NEMP2: variants seen among roughly 807,000 people sequenced by gnomAD.
NEMP2 encodes the protein nuclear envelope integral membrane protein 2, also known as UPF0571 transmembrane protein.
Under a neutral mutation model 54.2 loss-of-function variants are expected in NEMP2, and 53 were observed. The ratio of observed to expected loss-of-function variants is 0.98; its 90% confidence interval spans 0.78 to 1.23. The LOEUF (loss-of-function observed/expected upper bound fraction) is 1.23, where lower values mean the gene tolerates loss of function less well. NEMP2 is among the 50% of genes most tolerant of loss of function. The probability of loss-of-function intolerance (pLI) is 0.00; values close to 1 mark genes in which losing one functional copy is unlikely to be tolerated. For missense variants in NEMP2, 455 were observed against 511.3 expected (o/e 0.89, Z 1.06); for synonymous variants, 197 against 190.3 (o/e 1.04, Z -0.29).
the NEMP2 span, among the ~76,000 whole-genome samples, chr2:190,451,498 C>G: frequency 6.6e-6 from 1 of 152,246 alleles, no homozygotes; most frequent in African/African-American, 2.4e-5. The surrounding 1 kb of genome is among the most constrained non-coding windows in gnomAD (Gnocchi z 5.0). Flanking sequence ...CCTCGTGGGA[C>G]TCACATTCTA....
rs915383466 is a variant in NEMP2 at position 190,525,960 on chromosome 2, T to C, written c.98-582A>G. 3.9e-5 allele frequency among the ~76,000 whole-genome samples: 6 copies of C among 152,086 alleles called. No homozygotes were observed. Among genetic ancestry groups the C allele is most frequent in the Non-Finnish European group, 2.9e-5 (2 of 68,014 alleles). ...TCTTGAAAGCAGAGCATTGGAGGAT[T>C]TTAGGTAAGTATCAGTCTCAGCAAG... On this transcript the variant is annotated intron_variant, in intron 1 of 8. Coordinates refer to ENST00000409150, the MANE Select transcript of NEMP2 (RefSeq NM_001142645.2). This position sits in a 1 kb window ranked among gnomAD's most constrained non-coding sequence, Gnocchi z 5.0.
At chr2:190,580,346 AAG>A in the NEMP2 span, among the ~76,000 whole-genome samples, 61 of 152,244 alleles carry the variant, frequency 4.0e-4, no homozygotes, top group African/African-American at 1.4e-3. This position sits in a 1 kb window ranked among gnomAD's most constrained non-coding sequence, Gnocchi z 5.3. Flanking sequence ...TGGCGAATAT[AAG>A]AGTTCTGTGT....
the NEMP2 span, among the ~76,000 whole-genome samples, chr2:190,577,382 A>C: frequency 6.6e-6 from 1 of 152,128 alleles, no homozygotes; most frequent in Non-Finnish European, 1.5e-5. This position sits in a 1 kb window ranked among gnomAD's most constrained non-coding sequence, Gnocchi z 4.8. Flanking sequence ...TGTCCAGTGC[A>C]ATGTCATAGA....
chr2:190,582,842 A>G, the NEMP2 span, among the ~76,000 whole-genome samples: 1 of 152,196 alleles, frequency 6.6e-6, no homozygotes, highest in African/African-American at 2.4e-5. The surrounding 1 kb of genome is among the most constrained non-coding windows in gnomAD (Gnocchi z 4.6). Flanking sequence ...GAGGTTTTCT[A>G]ACAATAACAG....
the NEMP2 span, among the ~76,000 whole-genome samples, chr2:190,615,732 G>A: frequency 6.6e-6 from 1 of 152,096 alleles, no homozygotes; most frequent in African/African-American, 2.4e-5. The surrounding 1 kb of genome is among the most constrained non-coding windows in gnomAD (Gnocchi z 4.7). Flanking sequence ...AGCTTTCCAG[G>A]ACCCCCTAGT....
the NEMP2 span, among the ~76,000 whole-genome samples, chr2:190,541,736 T>A: frequency 6.6e-6 from 1 of 152,220 alleles, no homozygotes; most frequent in Non-Finnish European, 1.5e-5. The surrounding 1 kb of genome is among the most constrained non-coding windows in gnomAD (Gnocchi z 5.2). Context: ...ACCTCTCAGA[T>A]TGAAGAACTC....
In NEMP2 at chr2:190,530,039, T is replaced by C. The variant is rs2125347593; in HGVS notation, c.97+4520A>G. On this transcript the variant is annotated intron_variant, in intron 1 of 8. Coordinates refer to ENST00000409150, the MANE Select transcript of NEMP2 (RefSeq NM_001142645.2). This position sits in a 1 kb window ranked among gnomAD's most constrained non-coding sequence, Gnocchi z 4.6. Reference sequence around the variant, plus strand: ...ACTGGATAGAGGAGGTCAGAAAGAATAGGTGGCATTAAGCTTCTTTTGTTT... The same window carrying C: ...ACTGGATAGAGGAGGTCAGAAAGAACAGGTGGCATTAAGCTTCTTTTGTTT... Among the ~76,000 whole-genome samples the C allele has an allele frequency of 6.6e-6, 1 of 152,342 alleles. No homozygotes were observed. The highest frequency in any genetic ancestry group is 2.4e-5 in the African/African-American group (1 of 41,578).
At chr2:190,488,502 G>A in the NEMP2 span, among the ~76,000 whole-genome samples, 9 of 152,184 alleles carry the variant, frequency 5.9e-5, no homozygotes, top group Non-Finnish European at 1.0e-4. This position sits in a 1 kb window ranked among gnomAD's most constrained non-coding sequence, Gnocchi z 6.4. Context: ...CCACTGAACC[G>A]TACATTTAAA....
chr2:190,590,044 G>A, the NEMP2 span, among the ~76,000 whole-genome samples: 3 of 152,282 alleles, frequency 2.0e-5, no homozygotes, highest in African/African-American at 4.8e-5. This position sits in a 1 kb window ranked among gnomAD's most constrained non-coding sequence, Gnocchi z 5.1. Context: ...TAATGGACAA[G>A]GAAACACATC....
chr2:190,517,151 C>T (rs1048420415), intron 5 of NEMP2, among the ~76,000 whole-genome samples: 6 of 148,578 alleles, frequency 4.0e-5, no homozygotes, highest in Admixed American at 4.0e-4. Flanking sequence ...AAGAAATTCC[C>T]AGATGTAGCA....
chr2:190,600,766 C>A, the NEMP2 span, among the ~76,000 whole-genome samples: 4 of 152,096 alleles, frequency 2.6e-5, no homozygotes, highest in Non-Finnish European at 5.9e-5. The surrounding 1 kb of genome is among the most constrained non-coding windows in gnomAD (Gnocchi z 4.9). Flanking sequence ...AATTGTGAGC[C>A]AAATAAGCCT....
rs1336829233 is a variant in NEMP2, at chr2:190,507,476, C to T, written c.*1713G>A. ...AACTTGGTGAGCACAGGCACTGATA[C>T]ATCTGATACATTTATATCACCAATA... On this transcript the variant is annotated 3_prime_UTR_variant, in exon 9 of 9. Transcript: ENST00000409150. This position sits in a 1 kb window ranked among gnomAD's most constrained non-coding sequence, Gnocchi z 4.4. 5 of 152,126 alleles carry T rather than the reference C, an allele frequency of 3.3e-5. No individual in the cohort carries two copies. Among genetic ancestry groups the T allele is most frequent in the African/African-American group, 4.8e-5 (2 of 41,422 alleles). 9.4% of individuals were successfully genotyped at this position (152,126 alleles called of 1,614,324 possible). A position where few individuals can be genotyped will look rare whatever the true frequency, so the allele number is the denominator to read the frequency against.
chr2:190,497,466 C>T, the NEMP2 span: 6 of 1,614,090 alleles, frequency 3.7e-6, no homozygotes, highest in Non-Finnish European at 5.1e-6. The surrounding 1 kb of genome is among the most constrained non-coding windows in gnomAD (Gnocchi z 5.2). Flanking sequence ...GAAAGAATTC[C>T]TGTTCCCTCC....
At chr2:190,500,162 C>G (rs1689955360), downstream of NEMP2, 1 of 1,614,140 alleles carries the variant, frequency 6.2e-7, no homozygotes, top group Non-Finnish European at 8.5e-7. The surrounding 1 kb of genome is among the most constrained non-coding windows in gnomAD (Gnocchi z 5.3). Flanking sequence ...CAGTGTGGAC[C>G]CGTGCACAGA....
the NEMP2 span, among the ~76,000 whole-genome samples, chr2:190,424,471 G>A: frequency 2.6e-5 from 4 of 152,136 alleles, no homozygotes; most frequent in South Asian, 4.2e-4. This position sits in a 1 kb window ranked among gnomAD's most constrained non-coding sequence, Gnocchi z 5.9. Context: ...GAGTAGCTGG[G>A]ATTACAGGCA....
the NEMP2 span, among the ~76,000 whole-genome samples, chr2:190,455,998 C>T: frequency 1.7e-4 from 21 of 122,358 alleles, no homozygotes; most frequent in Admixed American, 2.3e-4. Context: ...TGAAGTGCAG[C>T]GGCATGATCT....
At chr2:190,433,285 T>C in the NEMP2 span, 1 of 152,226 alleles carries the variant, frequency 6.6e-6, no homozygotes, top group African/African-American at 2.4e-5. The surrounding 1 kb of genome is among the most constrained non-coding windows in gnomAD (Gnocchi z 4.5). Context: ...ATTAAATTAA[T>C]TTAGAAAATA....
chr2:190,572,837 A>G, the NEMP2 span, among the ~76,000 whole-genome samples: 19 of 65,690 alleles, frequency 2.9e-4, no homozygotes, highest in African/African-American at 9.2e-4. Context: ...TCATGAGTAT[A>G]TATATATATA....
At chr2:190,599,061 A>G in the NEMP2 span, among the ~76,000 whole-genome samples, 1 of 152,206 alleles carries the variant, frequency 6.6e-6, no homozygotes, top group Non-Finnish European at 1.5e-5. Flanking sequence ...GCCAACTTTA[A>G]GCAGATTTTA....
Sources: allele counts gnomAD v4.1 joint callset (sites outside exome capture counted in the v4.1 genomes callset), GRCh38; gene constraint gnomAD v4.1.1; non-coding constraint Gnocchi (gnomAD v3.1); transcripts MANE v1.5; gene names NCBI Gene and HGNC (gene_info 2026-07-23, HGNC 2026-07-21).